Variants in QKI observed in about 807,000 individuals in gnomAD.
QKI encodes QKI, KH domain containing RNA binding.
QKI carries 10 observed loss-of-function variants against 39.0 expected under a neutral mutation model. The observed-to-expected ratio is 0.26, with a 90% CI of 0.16 to 0.43. QKI has a LOEUF of 0.43. Among genes scored for constraint, QKI ranks in the 20% least tolerant of loss-of-function variants. The pLI, the probability that QKI is intolerant of heterozygous loss-of-function variation, is 1.00. For missense variants in QKI, 218 were observed against 428.0 expected (o/e 0.51, Z 4.33); for synonymous variants, 204 against 155.4 (o/e 1.31, Z -2.33).
chr6:163,496,037 C>T (rs908864945), intron 3 of QKI, among the ~76,000 whole-genome samples: 3 of 152,122 alleles, frequency 2.0e-5, no homozygotes, highest in African/African-American at 7.2e-5. Flanking sequence ...GTCCAATTTT[C>T]GTATCATTCC....
At chr6:163,433,166 T>C (rs1475830390) in intron 1 of QKI, among the ~76,000 whole-genome samples, 2 of 152,220 alleles carry the variant, frequency 1.3e-5, no homozygotes, top group Admixed American at 1.3e-4. Context: ...TGGAACACAT[T>C]AACTGAATGG....
intron 2 of QKI, among the ~76,000 whole-genome samples, chr6:163,461,462 G>A (rs1276455229): frequency 6.6e-6 from 1 of 152,128 alleles, no homozygotes; most frequent in Non-Finnish European, 1.5e-5. Context: ...ATGAAAGATG[G>A]GGTTGTTAGG....
intron 3 of QKI, among the ~76,000 whole-genome samples, chr6:163,492,294 A>C (rs1778105092): frequency 6.6e-6 from 1 of 152,188 alleles, no homozygotes; most frequent in South Asian, 2.1e-4. Flanking sequence ...TTCAGTTATG[A>C]GAGACCACTA....
chr6:163,431,810 AAAAC>A (rs1320961822), intron 1 of QKI, among the ~76,000 whole-genome samples: 1 of 133,838 alleles, frequency 7.5e-6, no homozygotes, highest in African/African-American at 2.9e-5. Flanking sequence ...TAAAAAAAAA[AAAAC>A]AAAAAACTGT....
Position 163,534,348 on chromosome 6 carries a change from T to A in QKI, c.403-634T>A, listed in dbSNP as rs532740067. On this transcript the variant is annotated intron_variant, in intron 3 of 7. Transcript: ENST00000361752. Reference sequence around the variant, plus strand: ...GGGAATGTAGATAAAACTATTTTCATAATTACCGCATGAAATACTTAAAAC... The same window carrying A: ...GGGAATGTAGATAAAACTATTTTCAAAATTACCGCATGAAATACTTAAAAC... 2.6e-5 allele frequency among the ~76,000 whole-genome samples: 4 copies of A among 152,232 alleles called. No individual in the cohort carries two copies. In the South Asian group the frequency reaches 6.2e-4, roughly 24 times the overall value.
intron 4 of QKI, among the ~76,000 whole-genome samples, chr6:163,544,522 C>T (rs1267790670): frequency 2.0e-5 from 3 of 152,032 alleles, no homozygotes; most frequent in Non-Finnish European, 2.9e-5. Flanking sequence ...AGGTGATGAA[C>T]ATCACTTACA....
At chr6:163,523,229 G>A (rs865862483) in intron 3 of QKI, among the ~76,000 whole-genome samples, 21 of 152,190 alleles carry the variant, frequency 1.4e-4, no homozygotes, top group Admixed American at 7.8e-4. Context: ...CTCTTTCAGT[G>A]TTGCCTGACT....
chr6:163,440,268 G>A lies in QKI; in HGVS notation c.143-15011G>A, dbSNP rs537950819. 1.2e-4 allele frequency among the ~76,000 whole-genome samples: 19 copies of A among 152,216 alleles called. 1 individual carries two copies. The South Asian group carries it at 3.7e-3, about 30-fold the overall frequency. On this transcript the variant is annotated intron_variant, in intron 1 of 7. Transcript: ENST00000361752. Reference sequence around the variant, plus strand: ...AGCAGTAGTGCTGGAGAGGCCAAATGGTATGAGTAAAAGAATACAGCTTTT... The same window carrying A: ...AGCAGTAGTGCTGGAGAGGCCAAATAGTATGAGTAAAAGAATACAGCTTTT...
chr6:163,458,313 A>T (rs1003080950), intron 2 of QKI, among the ~76,000 whole-genome samples: 1 of 152,182 alleles, frequency 6.6e-6, no homozygotes, highest in Admixed American at 6.5e-5. Flanking sequence ...CTCTCACAAG[A>T]TTATGAAGAC....
At chr6:163,566,423 A>G in intron 6 of QKI, 1 of 1,253,152 alleles carries the variant, frequency 8.0e-7, no homozygotes, top group Non-Finnish European at 1.0e-6. Flanking sequence ...ATATGTGACT[A>G]GTAAAGCTTA....
At chr6:163,443,395 G>A (rs1462303113) in intron 1 of QKI, among the ~76,000 whole-genome samples, 1 of 152,190 alleles carries the variant, frequency 6.6e-6, no homozygotes, top group African/African-American at 2.4e-5. Context: ...ATGGTGAAAT[G>A]CTGTCTCTGC....
intron 3 of QKI, among the ~76,000 whole-genome samples, chr6:163,534,114 A>ACACTTTCTCTAAAACTTAAAAC (rs1489228119): frequency 5.9e-4 from 90 of 152,292 alleles, no homozygotes; most frequent in African/African-American, 2.0e-3. Flanking sequence ...TTATTTAAAA[A>ACACTTTCTCTAAAACTTAAAAC]CACTTTCTCT....
chr6:163,434,159 A>G (rs577247333), intron 1 of QKI, among the ~76,000 whole-genome samples: 1 of 152,266 alleles, frequency 6.6e-6, no homozygotes, highest in Admixed American at 6.5e-5. Context: ...GGAGCCACAC[A>G]ATGGCATGGA....
intron 3 of QKI, among the ~76,000 whole-genome samples, chr6:163,528,306 A>G (rs1429514064): frequency 2.0e-5 from 3 of 152,120 alleles, no homozygotes; most frequent in Non-Finnish European, 2.9e-5. Context: ...AAAATTCTAG[A>G]GATTCCACTA....
chr6:163,564,653 C>G (rs757723714), intron 6 of QKI: 1 of 1,613,838 alleles, frequency 6.2e-7, no homozygotes, highest in Non-Finnish European at 8.5e-7. Context: ...ATTACTGATG[C>G]CTTTTTTTTA....
At chr6:163,416,350 T>G (rs1787497396) in intron 1 of QKI, 1 of 160,896 alleles carries the variant, frequency 6.2e-6, no homozygotes, top group Non-Finnish European at 1.4e-5. Flanking sequence ...AGCTGTGGGT[T>G]TCTGTGGACG....
At chr6:163,543,265 A>G (rs1444592292) in intron 4 of QKI, among the ~76,000 whole-genome samples, 1 of 152,000 alleles carries the variant, frequency 6.6e-6, no homozygotes, top group African/African-American at 2.4e-5. Flanking sequence ...CCTCCTTTTC[A>G]TTTTATTGGG....
intron 3 of QKI, among the ~76,000 whole-genome samples, chr6:163,510,217 A>AAATAATAATAAT (rs142297811): frequency 0.011 from 1,505 of 136,222 alleles, 15 homozygotes; most frequent in Middle Eastern, 0.031. Flanking sequence ...CTCTATCTCA[A>AAATAATAATAAT]AATAATAATA....
intron 1 of QKI, chr6:163,416,012 G>A (rs1787437381): frequency 2.2e-6 from 1 of 445,572 alleles, no homozygotes; most frequent in Non-Finnish European, 4.5e-6. Flanking sequence ...TTTGTTTGGG[G>A]AAGCGAGAAC....
Sources: allele counts gnomAD v4.1 joint callset (sites outside exome capture counted in the v4.1 genomes callset), GRCh38; gene constraint gnomAD v4.1.1; transcripts MANE v1.5; gene names NCBI Gene and HGNC (gene_info 2026-07-23, HGNC 2026-07-21).